NKAIN3: variants seen among roughly 807,000 people sequenced by gnomAD.
NKAIN3 encodes sodium/potassium-transporting ATPase subunit beta-1-interacting protein 3.
NKAIN3 carries 25 observed loss-of-function variants against 30.2 expected under a neutral mutation model. That is an observed-to-expected ratio of 0.83 (90% confidence interval 0.60 to 1.16). The LOEUF is 1.16. Among genes scored for constraint, NKAIN3 ranks in the 50% most tolerant of loss-of-function variants. The probability of loss-of-function intolerance (pLI) is 0.00; values close to 1 mark genes in which losing one functional copy is unlikely to be tolerated. For synonymous variants in NKAIN3, 91 were observed against 89.6 expected (o/e 1.02, Z -0.09); for missense variants, 225 against 254.1 (o/e 0.89, Z 0.78).
chr8:62,316,221 T>C (rs908433107), intron 1 of NKAIN3, among the ~76,000 whole-genome samples: 9 of 152,126 alleles, frequency 5.9e-5, no homozygotes, highest in African/African-American at 2.2e-4. Context: ...GGTATGTCTT[T>C]ATTGGCAGCA....
intron 1 of NKAIN3, among the ~76,000 whole-genome samples, chr8:62,386,930 AG>A (rs1441652255): frequency 8.6e-5 from 13 of 151,964 alleles, no homozygotes; most frequent in Non-Finnish European, 1.8e-4. Flanking sequence ...AGAGAGAGAG[AG>A]AGAGAGAGAG....
intron 4 of NKAIN3, among the ~76,000 whole-genome samples, chr8:62,802,639 G>A (rs757011528): frequency 5.3e-5 from 8 of 152,102 alleles, no homozygotes; most frequent in East Asian, 1.9e-4. Context: ...AGGAACAACC[G>A]GTACCAGCCA....
intron 4 of NKAIN3, among the ~76,000 whole-genome samples, chr8:62,789,842 T>C (rs530905142): frequency 1.3e-5 from 2 of 152,038 alleles, no homozygotes; most frequent in Admixed American, 6.6e-5. Context: ...TCAAAAAAAG[T>C]CCAAGGCCAG....
chr8:62,706,304 T>C (rs2130481119), intron 3 of NKAIN3, among the ~76,000 whole-genome samples: 1 of 152,204 alleles, frequency 6.6e-6, no homozygotes, highest in South Asian at 2.1e-4. Context: ...CCCTTTCTAG[T>C]GAATACATCT....
chr8:62,868,260 G>A (rs1820486016), intron 4 of NKAIN3, among the ~76,000 whole-genome samples: 1 of 151,766 alleles, frequency 6.6e-6, no homozygotes, highest in Non-Finnish European at 1.5e-5. Context: ...TTTAATGAAA[G>A]CAAAAATCAT....
At chr8:62,631,121 C>T (rs1408554259) in intron 3 of NKAIN3, among the ~76,000 whole-genome samples, 1 of 152,108 alleles carries the variant, frequency 6.6e-6, no homozygotes, top group Non-Finnish European at 1.5e-5. Context: ...AACACCTCTC[C>T]GCTGTCAGGT....
At chr8:62,269,362 T>C (rs1237504859) in intron 1 of NKAIN3, among the ~76,000 whole-genome samples, 1 of 152,150 alleles carries the variant, frequency 6.6e-6, no homozygotes, top group Non-Finnish European at 1.5e-5. Context: ...AATTGCCCAG[T>C]TTATGGAATT....
intron 4 of NKAIN3, among the ~76,000 whole-genome samples, chr8:62,789,380 T>G (rs148928481): frequency 0.01 from 1,585 of 152,318 alleles, 28 homozygotes; most frequent in African/African-American, 0.035. Flanking sequence ...TGCACATTTA[T>G]TTTGTATCCT....
chr8:62,595,930 G>A (rs1810818042), intron 3 of NKAIN3, among the ~76,000 whole-genome samples: 1 of 151,992 alleles, frequency 6.6e-6, no homozygotes, highest in Admixed American at 6.6e-5. Context: ...CTTTGACTCT[G>A]AAAGAGACAA....
At chr8:62,881,657 C>T (rs1820986410) in intron 4 of NKAIN3, among the ~76,000 whole-genome samples, 1 of 152,226 alleles carries the variant, frequency 6.6e-6, no homozygotes, top group Admixed American at 6.5e-5. Flanking sequence ...ATCTTGGTTG[C>T]TTCCAAATTT....
intron 3 of NKAIN3, among the ~76,000 whole-genome samples, chr8:62,744,978 C>T (rs950108725): frequency 6.6e-6 from 1 of 152,128 alleles, no homozygotes; most frequent in Non-Finnish European, 1.5e-5. Context: ...TGAAGAAAAT[C>T]GAAAACTGCA....
intron 4 of NKAIN3, among the ~76,000 whole-genome samples, chr8:62,848,071 G>T (rs1389009078): frequency 5.9e-5 from 9 of 152,074 alleles, no homozygotes; most frequent in South Asian, 2.1e-4. Context: ...ATGCCATTTT[G>T]GTTACTGTAG....
intron 1 of NKAIN3, among the ~76,000 whole-genome samples, chr8:62,375,096 C>G (rs1817033684): frequency 2.0e-5 from 3 of 152,186 alleles, no homozygotes; most frequent in Non-Finnish European, 2.9e-5. Flanking sequence ...TGATTATTCT[C>G]AATATTGAAT....
chr8:62,866,738 T>C (rs374145021), intron 4 of NKAIN3, among the ~76,000 whole-genome samples: 14 of 152,214 alleles, frequency 9.2e-5, no homozygotes, highest in Middle Eastern at 3.4e-3. Flanking sequence ...TTGAGGTGTT[T>C]GCGGTTGTCT....
Position 62,430,090 on chromosome 8 carries a change from A to G in NKAIN3, c.55-149449A>G, listed in dbSNP as rs74506477. Among the ~76,000 whole-genome samples the G allele has an allele frequency of 5.3e-3, 810 of 151,988 alleles. 6 individuals are homozygous for G. Among genetic ancestry groups the G allele is most frequent in the African/African-American group, 0.018 (763 of 41,516 alleles). On this transcript the variant is annotated intron_variant, in intron 1 of 6. Coordinates refer to ENST00000623646, the MANE Select transcript of NKAIN3 (RefSeq NM_001304533.3). ...TACTGTAAGTACCTCATATAAGTGA[A>G]TCATACAGTATTTGCCTCTTTGTGA... is the stretch of plus-strand genomic sequence containing the variant.
intron 4 of NKAIN3, among the ~76,000 whole-genome samples, chr8:62,776,220 C>T (rs1028516452): frequency 6.6e-6 from 1 of 151,848 alleles, no homozygotes; most frequent in Admixed American, 6.6e-5. Flanking sequence ...TTTCTTTTTT[C>T]TATATCAATT....
chr8:62,497,338 G>A (rs1004444086), intron 1 of NKAIN3, among the ~76,000 whole-genome samples: 2 of 151,946 alleles, frequency 1.3e-5, no homozygotes, highest in Non-Finnish European at 2.9e-5. Flanking sequence ...GTAGAAGATA[G>A]GATATATACT....
intron 1 of NKAIN3, among the ~76,000 whole-genome samples, chr8:62,426,465 T>C (rs1029651903): frequency 6.6e-6 from 1 of 152,010 alleles, no homozygotes; most frequent in Admixed American, 6.6e-5. Context: ...GAAAACTCAA[T>C]AGTGGCTTGT....
At chr8:62,894,217 G>A (rs1031425585) in intron 4 of NKAIN3, among the ~76,000 whole-genome samples, 2 of 152,096 alleles carry the variant, frequency 1.3e-5, no homozygotes, top group South Asian at 2.1e-4. Flanking sequence ...CAGAAAATTA[G>A]GGTTGAGCTG....
Sources: allele counts gnomAD v4.1 joint callset (sites outside exome capture counted in the v4.1 genomes callset), GRCh38; gene constraint gnomAD v4.1.1; transcripts MANE v1.5; gene names NCBI Gene and HGNC (gene_info 2026-07-23, HGNC 2026-07-21).